Variants in HERC1 observed in about 807,000 individuals in gnomAD.
HERC1 encodes the protein HECT and RLD domain containing E3 ubiquitin protein ligase family member 1.
HERC1 carries 160 observed loss-of-function variants against 554.3 expected under a neutral mutation model. The observed-to-expected ratio is 0.29, with a 90% CI of 0.25 to 0.33. The LOEUF (loss-of-function observed/expected upper bound fraction) is 0.33, where lower values mean the gene tolerates loss of function less well. HERC1 is among the 10% of genes least tolerant of loss of function. The pLI, the probability that HERC1 is intolerant of heterozygous loss-of-function variation, is 1.00. For missense variants in HERC1, 4,919 were observed against 5,918.5 expected, an observed-to-expected ratio of 0.83 and a Z score of 5.54; for synonymous variants, 2,175 against 2,131.7, an observed-to-expected ratio of 1.02 and a Z score of -0.56.
chr15:63,777,032 G>A (rs1469407050), intron 1 of HERC1, among the ~76,000 whole-genome samples: 1 of 152,126 alleles, frequency 6.6e-6, no homozygotes, highest in Non-Finnish European at 1.5e-5. Flanking sequence ...ATATTGCAGG[G>A]AAGGTGTCTC....
At chr15:63,831,845 G>C (rs1308514565) in intron 1 of HERC1, among the ~76,000 whole-genome samples, 1 of 152,196 alleles carries the variant, frequency 6.6e-6, no homozygotes, top group Non-Finnish European at 1.5e-5. Context: ...CAGATTAAGT[G>C]ACGCATTTAC....
At chr15:63,661,552 A>G (rs557330327) in intron 45 of HERC1, among the ~76,000 whole-genome samples, 11 of 152,338 alleles carry the variant, frequency 7.2e-5, no homozygotes, top group Non-Finnish European at 1.0e-4. Context: ...GTCAAACTCC[A>G]GGGAAGGATA....
At chr15:63,746,379 A>G (rs1212659888) in intron 12 of HERC1, among the ~76,000 whole-genome samples, 1 of 152,186 alleles carries the variant, frequency 6.6e-6, no homozygotes, top group Non-Finnish European at 1.5e-5. Flanking sequence ...TTACAAATAT[A>G]TAGATATTTT....
chr15:63,611,483 G>A (rs1310347088), intron 77 of HERC1, among the ~76,000 whole-genome samples: 1 of 152,250 alleles, frequency 6.6e-6, no homozygotes, highest in East Asian at 1.9e-4. Context: ...TCAGATGGCA[G>A]AGATGCAGCC....
At chr15:63,801,802 TCTC>T (rs1269732167) in intron 1 of HERC1, among the ~76,000 whole-genome samples, 3 of 152,078 alleles carry the variant, frequency 2.0e-5, no homozygotes, top group Non-Finnish European at 4.4e-5. Flanking sequence ...TCCACTTCAG[TCTC>T]CTCCTCTTCA....
At chr15:63,791,769 A>T (rs1309574115) in intron 1 of HERC1, among the ~76,000 whole-genome samples, 3 of 152,216 alleles carry the variant, frequency 2.0e-5, no homozygotes, top group Non-Finnish European at 2.9e-5. Context: ...GTGAAAATTT[A>T]GAATGAATTT....
At chr15:63,648,391 C>T (rs768651292) in intron 54 of HERC1, among the ~76,000 whole-genome samples, 192 bp from the exon 55 acceptor site, 2 of 152,176 alleles carry the variant, frequency 1.3e-5, no homozygotes, top group African/African-American at 4.8e-5. Context: ...TTAAAAGTGT[C>T]GCTTATCTGT....
intron 10 of HERC1, 82 bp from the exon 11 acceptor site, chr15:63,747,940 T>C (rs1176965049): frequency 7.9e-6 from 11 of 1,385,758 alleles, no homozygotes; most frequent in Non-Finnish European, 7.8e-6. Flanking sequence ...TTAAAACATA[T>C]ATTGGCTGGG....
At chr15:63,615,240 A>G (rs1400553476) in intron 76 of HERC1, among the ~76,000 whole-genome samples, 1 of 152,226 alleles carries the variant, frequency 6.6e-6, no homozygotes, top group Non-Finnish European at 1.5e-5. Flanking sequence ...ACCAAAGACC[A>G]ATTCAGAACC....
At chr15:63,720,362 T>C (rs913177491) in intron 19 of HERC1, among the ~76,000 whole-genome samples, 24 of 152,098 alleles carry the variant, frequency 1.6e-4, no homozygotes, top group Admixed American at 1.4e-3. Context: ...GGGAGAGTTA[T>C]TGTCCACCCT....
At chr15:63,821,071 A>G (rs1203193396) in intron 1 of HERC1, among the ~76,000 whole-genome samples, 2 of 152,208 alleles carry the variant, frequency 1.3e-5, no homozygotes, top group African/African-American at 4.8e-5. Flanking sequence ...TAAGTACTCA[A>G]TGCAAAGAAT....
intron 1 of HERC1, among the ~76,000 whole-genome samples, chr15:63,795,871 G>A (rs1157127192): frequency 2.6e-5 from 4 of 152,240 alleles, no homozygotes; most frequent in African/African-American, 9.6e-5. Context: ...GGCAAAGGCA[G>A]AGGAGAATCA....
At chr15:63,646,822 A>C (rs1251862968) in intron 55 of HERC1, among the ~76,000 whole-genome samples, 1 of 104,510 alleles carries the variant, frequency 9.6e-6, no homozygotes, top group Non-Finnish European at 2.3e-5. Context: ...AAAAACAAAC[A>C]AACAAACAAA....
chr15:63,706,437 A>G (rs2073010279), intron 25 of HERC1, among the ~76,000 whole-genome samples: 1 of 152,166 alleles, frequency 6.6e-6, no homozygotes, highest in African/African-American at 2.4e-5. Flanking sequence ...AACATGGAAA[A>G]TTTTGTAAAT....
chr15:63,736,925 C>T (rs1246721256), intron 12 of HERC1, among the ~76,000 whole-genome samples: 1 of 151,886 alleles, frequency 6.6e-6, no homozygotes, highest in Admixed American at 6.6e-5. Flanking sequence ...ACACTCTTAC[C>T]CATGATTGGC....
At chr15:63,815,163 A>AT (rs2077453155) in intron 1 of HERC1, among the ~76,000 whole-genome samples, 1 of 152,206 alleles carries the variant, frequency 6.6e-6, no homozygotes, top group African/African-American at 2.4e-5. Context: ...AACTCTCCAC[A>AT]TTCGTCTCTT....
chr15:63,633,670 C>T (rs1191549783), intron 67 of HERC1, among the ~76,000 whole-genome samples, 178 bp downstream of exon 67: 1 of 152,192 alleles, frequency 6.6e-6, no homozygotes, highest in Non-Finnish European at 1.5e-5. Flanking sequence ...GGATTAATAG[C>T]TTATTTAAAA....
intron 1 of HERC1, among the ~76,000 whole-genome samples, chr15:63,786,679 T>C (rs1423026003): frequency 6.6e-6 from 1 of 152,186 alleles, no homozygotes; most frequent in Non-Finnish European, 1.5e-5. Flanking sequence ...ATTCTATTTA[T>C]AAGAAATGTA....
In HERC1 at chr15:63,612,864, A is replaced by G. The variant is rs139700911; in HGVS notation, c.14095-308T>C. Among the ~76,000 whole-genome samples, 309 of 152,178 alleles carry G rather than the reference A, an allele frequency of 2.0e-3. 1 individual carries two copies. Among genetic ancestry groups the G allele is most frequent in the African/African-American group, 6.5e-3 (271 of 41,498 alleles). ...TGGGGCCTTCCCTGATGCCAGCCCC[A>G]CTCACTCATATTCCTAATCATATGT... On this transcript the variant is annotated intron_variant, in intron 76 of 77. Transcript: ENST00000443617. The surrounding 1 kb of genome is among the most constrained non-coding windows in gnomAD (Gnocchi z 5.0).
Sources: gnomAD v4.1 joint callset for allele counts (sites outside exome capture counted in the v4.1 genomes callset) on GRCh38, gnomAD v4.1.1 for gene constraint, Gnocchi (gnomAD v3.1) non-coding constraint, MANE v1.5 for transcripts, NCBI Gene and HGNC (gene_info 2026-07-23, HGNC 2026-07-21) for gene names.